The following GSE1 variants were observed in gnomAD, a reference collection of about 807,000 sequenced individuals.
The protein encoded by GSE1 is genetic suppressor element 1.
Under a neutral mutation model 112.6 loss-of-function variants are expected in GSE1, and 32 were observed. The ratio of observed to expected loss-of-function variants is 0.28; its 90% CI spans 0.21 to 0.38. The LOEUF is 0.38. GSE1 is among the 10% of genes least tolerant of loss of function. GSE1 has a pLI of 1.00. For synonymous variants in GSE1, 1,115 were observed against 735.6 expected, an observed-to-expected ratio of 1.52 and a Z score of -8.35; for missense variants, 2,348 against 1,699.2, an observed-to-expected ratio of 1.38 and a Z score of -6.71.
intron 2 of GSE1, among the ~76,000 whole-genome samples, chr16:85,390,149 G>A (rs936597944): frequency 3.1e-4 from 47 of 152,170 alleles, no homozygotes; most frequent in African/African-American, 1.1e-3. Flanking sequence ...TTGTACAAAG[G>A]GAACTGTGTA....
chr16:85,279,451 A>G (rs1030788812), intron 1 of GSE1, among the ~76,000 whole-genome samples: 1 of 152,080 alleles, frequency 6.6e-6, no homozygotes, highest in Non-Finnish European at 1.5e-5. Context: ...TACAAAAAGT[A>G]CAAAAATTAG....
intron 2 of GSE1, among the ~76,000 whole-genome samples, chr16:85,514,304 C>G (rs2051845465): frequency 6.7e-6 from 1 of 150,160 alleles, no homozygotes. Flanking sequence ...GGCCAGGAAC[C>G]CCCAGGCCTT....
chr16:85,669,008 C>T (rs1354645533), intron 14 of GSE1, among the ~76,000 whole-genome samples: 1 of 152,276 alleles, frequency 6.6e-6, no homozygotes, highest in Admixed American at 6.5e-5. Context: ...CACACCAACC[C>T]TCCTGGGAAG....
chr16:85,259,648 C>A (rs1907461168), intron 1 of GSE1, among the ~76,000 whole-genome samples: 1 of 152,194 alleles, frequency 6.6e-6, no homozygotes, highest in East Asian at 1.9e-4. Context: ...CAGATGGGGG[C>A]CACACAGGTG....
chr16:85,363,562 G>A (rs2151584100), intron 2 of GSE1, among the ~76,000 whole-genome samples: 1 of 152,296 alleles, frequency 6.6e-6, no homozygotes, highest in South Asian at 2.1e-4. Context: ...CCCAGGGCAG[G>A]GCTGATCCCA....
intron 1 of GSE1, among the ~76,000 whole-genome samples, chr16:85,175,885 C>G (rs2074453299): frequency 6.6e-6 from 1 of 152,334 alleles, no homozygotes; most frequent in East Asian, 1.9e-4. Flanking sequence ...GGTTAAGCAA[C>G]TTGTCCAAGG....
intron 2 of GSE1, among the ~76,000 whole-genome samples, chr16:85,407,884 CCG>C (rs2048348744): frequency 3.0e-5 from 1 of 33,226 alleles, no homozygotes; most frequent in Non-Finnish European, 5.6e-5. Context: ...ATAATCCTCA[CCG>C]TTACACTCAG....
intron 2 of GSE1, among the ~76,000 whole-genome samples, chr16:85,426,186 G>C (rs545915406): frequency 2.8e-5 from 3 of 107,428 alleles, no homozygotes; most frequent in African/African-American, 1.0e-4. Context: ...ATGTATAGTG[G>C]ATAGATGGAT....
At chr16:85,614,184 C>T (rs2048210869) in intron 1 of GSE1, among the ~76,000 whole-genome samples, 1 of 152,158 alleles carries the variant, frequency 6.6e-6, no homozygotes, top group East Asian at 1.9e-4. Flanking sequence ...TTTCCCTCCC[C>T]GGCCCTTCCT....
chr16:85,461,960 TGGA>T (rs2049980921), intron 2 of GSE1, among the ~76,000 whole-genome samples: 2 of 152,098 alleles, frequency 1.3e-5, no homozygotes, highest in South Asian at 2.1e-4. Context: ...TAGTAGGCGG[TGGA>T]GGAGAAAGGC....
intron 2 of GSE1, among the ~76,000 whole-genome samples, chr16:85,478,901 T>TTC (rs776454887): frequency 1.3e-5 from 1 of 78,684 alleles, no homozygotes; most frequent in African/African-American, 6.1e-5. Flanking sequence ...CTTTCTTTCT[T>TTC]TCTTTCTTTC....
At chr16:85,549,686 T>C (rs571202844) in intron 2 of GSE1, among the ~76,000 whole-genome samples, 1 of 152,286 alleles carries the variant, frequency 6.6e-6, no homozygotes, top group East Asian at 1.9e-4. Context: ...AGAGGTTCCC[T>C]TTTTTCTTTC....
intron 1 of GSE1, among the ~76,000 whole-genome samples, chr16:85,241,405 T>C (rs1156881731): frequency 6.6e-6 from 1 of 152,222 alleles, no homozygotes; most frequent in African/African-American, 2.4e-5. Flanking sequence ...TTTTCCCAAG[T>C]GGGCATTGCA....
chr16:85,515,404 G>A (rs2051895826), intron 2 of GSE1, among the ~76,000 whole-genome samples: 3 of 152,240 alleles, frequency 2.0e-5, no homozygotes, highest in African/African-American at 7.2e-5. Flanking sequence ...CTGGCAGTGG[G>A]TGAGGAAGAA....
intron 2 of GSE1, among the ~76,000 whole-genome samples, chr16:85,493,823 G>A (rs925851662): frequency 9.9e-5 from 15 of 151,140 alleles, no homozygotes; most frequent in African/African-American, 3.4e-4. Flanking sequence ...AGCTGTGGTG[G>A]TACACATCTG....
chr16:85,496,775 A>C (rs2051193734), intron 2 of GSE1, among the ~76,000 whole-genome samples: 1 of 152,206 alleles, frequency 6.6e-6, no homozygotes, highest in Non-Finnish European at 1.5e-5. Flanking sequence ...TGCTGTTGCC[A>C]GGGACCCAGG....
intron 1 of GSE1, among the ~76,000 whole-genome samples, chr16:85,345,154 T>C (rs545778237): frequency 2.9e-4 from 42 of 143,216 alleles, no homozygotes; most frequent in African/African-American, 1.0e-3. Context: ...GCTGGCTGCC[T>C]GTTTTTGGAT....
intron 2 of GSE1, among the ~76,000 whole-genome samples, chr16:85,460,676 T>G (rs895078835): frequency 9.9e-5 from 15 of 152,202 alleles, no homozygotes; most frequent in Non-Finnish European, 2.1e-4. Flanking sequence ...TTCCAAGACT[T>G]GAAGAGACGG....
At chr16:85,431,696 C>T (rs1368154243) in intron 2 of GSE1, among the ~76,000 whole-genome samples, 1 of 152,210 alleles carries the variant, frequency 6.6e-6, no homozygotes, top group African/African-American at 2.4e-5. Flanking sequence ...ACCCAGCCCA[C>T]CTGGACAGGA....
Sources: allele counts gnomAD v4.1 joint callset (sites outside exome capture counted in the v4.1 genomes callset), GRCh38; gene constraint gnomAD v4.1.1; transcripts MANE v1.5; gene names NCBI Gene and HGNC (gene_info 2026-07-23, HGNC 2026-07-21).